HTATSF1: variants seen among roughly 807,000 people sequenced by gnomAD.
The protein encoded by HTATSF1 is HIV-1 Tat specific factor 1.
HTATSF1 carries 6 observed loss-of-function variants against 46.1 expected under a neutral mutation model. The observed-to-expected ratio is 0.13, with a 90% CI of 0.07 to 0.26. The LOEUF (loss-of-function observed/expected upper bound fraction) is 0.26. Among genes scored for constraint, HTATSF1 ranks in the 10% least tolerant of loss-of-function variants. HTATSF1 has a pLI of 1.00. For synonymous variants in HTATSF1, 226 were observed against 211.5 expected (o/e 1.07, Z -0.60); for missense variants, 452 against 559.9 (o/e 0.81, Z 1.94).
chrX:136,508,514 G>C (rs901539927), intron 6 of HTATSF1, among the ~76,000 whole-genome samples: 1 of 112,548 alleles, frequency 8.9e-6, no homozygotes, highest in African/African-American at 3.2e-5. Context: ...TTTATTGCAT[G>C]CTTAATAACA....
At chrX:136,504,537 C>T (rs1186461070) in intron 6 of HTATSF1, 74 bp downstream of exon 6, 3 of 766,731 alleles carry the variant, frequency 3.9e-6, no homozygotes, top group Non-Finnish European at 5.8e-6. Context: ...GAGCTTGCCT[C>T]GCCTCATCTT....
intron 1 of HTATSF1, 85 bp downstream of exon 1, chrX:136,497,955 A>ATCCTTGG (rs886457980): frequency 6.7e-5 from 51 of 765,101 alleles, no homozygotes; most frequent in Non-Finnish European, 8.3e-5. Flanking sequence ...CTTTGCTGAG[A>ATCCTTGG]TCCTTGGTCC....
At chrX:136,503,150 T>C (rs970113318) in intron 5 of HTATSF1, among the ~76,000 whole-genome samples, 2 of 112,014 alleles carry the variant, frequency 1.8e-5, no homozygotes, top group Non-Finnish European at 3.8e-5. Context: ...ATTTGTAATA[T>C]AATAAGGGCT....
chrX:136,503,390 T>C (rs2075728004), intron 5 of HTATSF1, among the ~76,000 whole-genome samples: 1 of 112,323 alleles, frequency 8.9e-6, no homozygotes, highest in African/African-American at 3.2e-5. Flanking sequence ...CAAGTTTCTA[T>C]TATTATTCTG....
At chrX:136,508,728 C>G (rs1165371760) in intron 6 of HTATSF1, among the ~76,000 whole-genome samples, 2 of 112,244 alleles carry the variant, frequency 1.8e-5, no homozygotes, top group Non-Finnish European at 3.8e-5. Context: ...AAACACAAAG[C>G]AAAGGGCTCT....
intron 1 of HTATSF1, 40 bp downstream of exon 1, chrX:136,497,910 C>G: frequency 9.6e-7 from 1 of 1,041,341 alleles, no homozygotes; most frequent in Non-Finnish European, 1.3e-6. Context: ...AGCGGGCCGC[C>G]TGGCCAGCCT....
chrX:136,506,287 AT>A (rs887048957), intron 6 of HTATSF1, among the ~76,000 whole-genome samples: 69 of 108,981 alleles, frequency 6.3e-4, no homozygotes, highest in African/African-American at 1.8e-3. Flanking sequence ...CAAATTCCTG[AT>A]TTTTTTTTTA....
chrX:136,508,599 G>A (rs945172248), intron 6 of HTATSF1, among the ~76,000 whole-genome samples: 2 of 112,810 alleles, frequency 1.8e-5, no homozygotes, highest in African/African-American at 3.2e-5. Context: ...TGTTTATTCT[G>A]TGAGTTAAAA....
rs373635003 is a variant in HTATSF1, at chrX:136,500,111, T to A, written c.368-47T>A. On this transcript the variant is annotated intron_variant, in intron 2 of 8. Coordinates refer to ENST00000218364, the MANE Select transcript of HTATSF1 (RefSeq NM_014500.5). ...TCAAGATTCCATAATATGACTCTTA[T>A]CTTTTTTTGCAAGTGTTTTATTTAT... 7 of 837,722 alleles carry A rather than the reference T, an allele frequency of 8.4e-6. No homozygotes were observed. In the African/African-American group the frequency reaches 1.4e-4, roughly 17 times the overall value. The allele number at this position is 837,722 out of a possible 1,213,427, so 69.0% of individuals were successfully genotyped here.
In HTATSF1 at chrX:136,510,889, C is replaced by A; in HGVS notation, c.1144C>A (p.Leu382Ile). 8.3e-7 allele frequency: 1 copy of A among 1,211,440 alleles called. No homozygotes were observed. The highest frequency in any genetic ancestry group is 1.1e-6 in the Non-Finnish European group (1 of 895,276). ...CAATGCTCCTGAGGCCAACAGAGGC[C>A]TTAGGCGTTCAGATTCTGTCTCTGC... ...FLNAPEANRG[L>I]RRSDSVSASE... The change falls in exon 9 of 9, where the codon CTT (leucine) becomes ATT (isoleucine). Residue 382 changes from leucine to isoleucine, a missense_variant. This residue lies in a region of HTATSF1 where 117 missense variants were observed against 222.2 expected (regional missense o/e 0.53). Coordinates refer to ENST00000218364, the MANE Select transcript of HTATSF1 (RefSeq NM_014500.5).
In HTATSF1 at chrX:136,499,650, A is replaced by G. The variant is rs1183870053; in HGVS notation, c.239A>G (p.Asp80Gly). The stretch of plus-strand genomic sequence containing the variant: ...CAGGCCAATTATGGCTTCTCTAACG[A>G]TGGCGCATCTAGTTCTACCGCAAAT... ...TYQANYGFSN[D>G]GASSSTANVE... The change falls in exon 2 of 9, where the codon GAT (aspartate) becomes GGT (glycine). Residue 80 changes from aspartate (D) to glycine (G), a missense_variant. Asp to Gly is a moderately conservative substitution (Grantham distance 94). This residue lies in a region of HTATSF1 where 89 missense variants were observed against 92.3 expected (regional missense o/e 0.96). Transcript: ENST00000218364. The G allele has an allele frequency of 1.7e-6, 2 of 1,199,219 alleles. No homozygotes were observed. The highest frequency in any genetic ancestry group is 2.2e-6 in the Non-Finnish European group (2 of 890,771).
Position 136,502,763 on chromosome X carries a change from C to CT in HTATSF1, c.571-13dup. On this transcript the variant is annotated splice_polypyrimidine_tract_variant and intron_variant, in intron 4 of 8. Coordinates refer to ENST00000218364, the MANE Select transcript of HTATSF1 (RefSeq NM_014500.5). ...CGTTGTATAACTGACTATATTTTGT[C>CT]TTACATTTATAAAGAGAGAATCTGT... is the stretch of plus-strand genomic sequence containing the variant. 9.2e-7 allele frequency: 1 copy of CT among 1,084,444 alleles called. No homozygotes were observed. The highest frequency in any genetic ancestry group is 1.9e-5 in the African/African-American group (1 of 53,618). 89.4% of individuals were successfully genotyped at this position (1,084,444 alleles called of 1,213,427 possible). A position where few individuals can be genotyped will look rare whatever the true frequency, so the allele number is the denominator to read the frequency against.
intron 2 of HTATSF1, 89 bp downstream of exon 2, chrX:136,499,867 G>A (rs1338086928): frequency 1.9e-5 from 13 of 694,546 alleles, no homozygotes; most frequent in Admixed American, 4.3e-5. Context: ...AATTATAATA[G>A]CTTTGAAGGA....
At chrX:136,501,401 G>A (rs1342151172) in intron 4 of HTATSF1, among the ~76,000 whole-genome samples, 2 of 112,351 alleles carry the variant, frequency 1.8e-5, no homozygotes, top group Non-Finnish European at 3.8e-5. Context: ...TGAAGGAGAC[G>A]ATAGCTTATT....
In HTATSF1 at chrX:136,497,849, C is replaced by T. The variant is rs1187438779; in HGVS notation, c.165C>T (p.Asp55=). 1 of 1,173,652 alleles carries T rather than the reference C, an allele frequency of 8.5e-7. No individual in the cohort carries two copies. Among genetic ancestry groups the T allele is most frequent in the Non-Finnish European group, 1.1e-6 (1 of 869,824 alleles). ...PTDTPYEWDL[D]KKAWFPKITE... ...ACACTCCCTACGAGTGGGACCTGGA[C>T]AAAAAGGCTTGGTTCCCCAAGGTAG... The change falls in exon 1 of 9, where the codon GAC becomes GAT. Residue 55 remains aspartate, a synonymous_variant. Transcript: ENST00000218364.
chrX:136,501,577 A>G (rs2075718402), intron 4 of HTATSF1, among the ~76,000 whole-genome samples: 2 of 112,452 alleles, frequency 1.8e-5, no homozygotes, highest in Admixed American at 1.9e-4. Flanking sequence ...AGCATGTGTT[A>G]TACATTATCA....
At chrX:136,497,501 G>T (rs1256923569), upstream of HTATSF1, 3 of 267,702 alleles carry the variant, frequency 1.1e-5, no homozygotes, top group Non-Finnish European at 2.0e-5. Context: ...CGGGCAGAGA[G>T]GGGGGCGGTG....
At chrX:136,500,229 T>C (rs1326577872) in intron 3 of HTATSF1, 24 bp downstream of exon 3, 1 of 963,970 alleles carries the variant, frequency 1.0e-6, no homozygotes, top group Admixed American at 2.6e-5. Context: ...TTTAAACAGG[T>C]TTAAGGTAGG....
chrX:136,497,530 G>T (rs2075696859), upstream of HTATSF1: 7 of 359,375 alleles, frequency 1.9e-5, no homozygotes, highest in South Asian at 4.0e-4. Context: ...GAGCGGCCGC[G>T]ATTTCCCGGG....
Sources: allele counts gnomAD v4.1 joint callset (sites outside exome capture counted in the v4.1 genomes callset), GRCh38; gene constraint gnomAD v4.1.1; regional missense constraint gnomAD v4.1.1; transcripts MANE v1.5; gene names NCBI Gene and HGNC (gene_info 2026-07-23, HGNC 2026-07-21).